Variants in SSPN observed in about 807,000 individuals in gnomAD.
SSPN encodes the protein K-ras oncogene-associated protein.
SSPN carries 15 observed loss-of-function variants against 19.1 expected under a neutral mutation model. The observed-to-expected ratio is 0.78, with a 90% CI of 0.52 to 1.21. SSPN has a LOEUF of 1.21. SSPN is among the 50% of genes most tolerant of loss of function. The pLI is 0.00. For synonymous variants in SSPN, 147 were observed against 140.3 expected, an observed-to-expected ratio of 1.05 and a Z score of -0.34; for missense variants, 291 against 314.0, an observed-to-expected ratio of 0.93 and a Z score of 0.55.
intron 1 of SSPN, among the ~76,000 whole-genome samples, chr12:26,158,748 A>G (rs1178660350): frequency 6.6e-6 from 1 of 152,248 alleles, no homozygotes; most frequent in Non-Finnish European, 1.5e-5. Context: ...TTTGTGTCTA[A>G]GAGTCTCTGG....
At chr12:26,187,992 AG>A (rs953747231) in intron 1 of SSPN, among the ~76,000 whole-genome samples, 1 of 152,218 alleles carries the variant, frequency 6.6e-6, no homozygotes, top group Non-Finnish European at 1.5e-5. Context: ...AAAAGACGAC[AG>A]GGCTAGGATA....
chr12:26,230,579 C>A, intron 2 of SSPN, 132 bp from the exon 3 acceptor site: 1 of 1,029,074 alleles, frequency 9.7e-7, no homozygotes, highest in Non-Finnish European at 1.4e-6. Flanking sequence ...TGTTGTGTTT[C>A]TAAGAAGAGA....
rs1453359026 is a variant in SSPN, at chr12:26,169,220, C to T, written c.-31+47068C>T. Among the ~76,000 whole-genome samples, 7 of 151,904 alleles carry T rather than the reference C, an allele frequency of 4.6e-5. No individual in the cohort carries two copies. In the East Asian group the frequency reaches 1.4e-3, roughly 29 times the overall value. On this transcript the variant is annotated intron_variant, in intron 1 of 2. Coordinates refer to the SSPN transcript ENST00000538142. ...TTTTTTTTTTGTTCTGTCTTTGCTT[C>T]ACTCTTTCAAAAGCAGTTGGAAGGC...
intron 1 of SSPN, among the ~76,000 whole-genome samples, chr12:26,158,163 A>G (rs1014807951): frequency 1.3e-5 from 2 of 152,154 alleles, no homozygotes; most frequent in African/African-American, 2.4e-5. Flanking sequence ...GCTAACTCCT[A>G]TGCATTGTTC....
In SSPN at chr12:26,175,114, A is replaced by C. The variant is rs185070838; in HGVS notation, c.-30-49179A>C. Among the ~76,000 whole-genome samples the C allele has an allele frequency of 2.2e-3, 334 of 152,318 alleles. 2 individuals carry two copies. Among genetic ancestry groups the C allele is most frequent in the East Asian group, 0.011 (55 of 5,190 alleles). ...GATAGACGTCTTTAACTTTTTAAGA[A>C]ATTACCAAACTCTTTTCCGAAGTGG... On this transcript the variant is annotated intron_variant, in intron 1 of 2. Coordinates refer to the SSPN transcript ENST00000538142.
intron 1 of SSPN, among the ~76,000 whole-genome samples, chr12:26,132,665 G>A (rs1565668291): frequency 1.3e-5 from 2 of 152,166 alleles, no homozygotes; most frequent in African/African-American, 4.8e-5. Context: ...TGGTGGGGAT[G>A]CCTGTTCAAC....
At chr12:26,148,893 A>G (rs932058525) in intron 1 of SSPN, among the ~76,000 whole-genome samples, 1 of 152,138 alleles carries the variant, frequency 6.6e-6, no homozygotes, top group Admixed American at 6.5e-5. Context: ...ACACTCTCAG[A>G]TGTGCTAGGT....
chr12:26,127,666 T>C (rs758406364), intron 1 of SSPN, among the ~76,000 whole-genome samples: 2 of 152,246 alleles, frequency 1.3e-5, no homozygotes, highest in Admixed American at 6.5e-5. Flanking sequence ...ATGTTCTCTG[T>C]CTACCTTTTC....
intron 2 of SSPN, among the ~76,000 whole-genome samples, chr12:26,226,041 T>G (rs1434563908): frequency 2.6e-5 from 4 of 151,870 alleles, no homozygotes; most frequent in Non-Finnish European, 4.4e-5. Context: ...GATTCCCCAC[T>G]AGGAAGATCT....
intron 1 of SSPN, among the ~76,000 whole-genome samples, chr12:26,145,266 A>C (rs1484349243): frequency 6.6e-6 from 1 of 152,212 alleles, no homozygotes; most frequent in Non-Finnish European, 1.5e-5. Flanking sequence ...CATCTTCACC[A>C]CTTTGTAACC....
chr12:26,231,477 T>C lies in SSPN; in HGVS notation c.*401T>C, dbSNP rs1945232115. 1 of 177,424 alleles carries C rather than the reference T, an allele frequency of 5.6e-6. No individual in the cohort carries two copies. Among genetic ancestry groups the C allele is most frequent in the Non-Finnish European group, 1.2e-5 (1 of 85,014 alleles). The allele number at this position is 177,424 out of a possible 1,614,324, so 11.0% of individuals were successfully genotyped here. A position where few individuals can be genotyped will look rare whatever the true frequency, so the allele number is the denominator to read the frequency against. On this transcript the variant is annotated 3_prime_UTR_variant, in exon 3 of 3. Coordinates refer to ENST00000242729, the MANE Select transcript of SSPN (RefSeq NM_005086.5). Reference sequence around the variant, plus strand: ...GGCCCAGTTGCTAAATTTTGTGGCATCTTCCTCTAGTCCTTCCCACCTCCA... The same window carrying C: ...GGCCCAGTTGCTAAATTTTGTGGCACCTTCCTCTAGTCCTTCCCACCTCCA...
At chr12:26,230,590 C>T (rs1945219289) in intron 2 of SSPN, 121 bp from the exon 3 acceptor site, 3 of 1,147,318 alleles carry the variant, frequency 2.6e-6, no homozygotes, top group Non-Finnish European at 3.6e-6. Flanking sequence ...TAAGAAGAGA[C>T]AGCCTTTCCA....
chr12:26,185,697 A>G (rs547297609), intron 1 of SSPN, among the ~76,000 whole-genome samples: 3 of 152,332 alleles, frequency 2.0e-5, no homozygotes, highest in Non-Finnish European at 4.4e-5. Context: ...ATAAATGACC[A>G]CAAGCCATGA....
intron 1 of SSPN, among the ~76,000 whole-genome samples, chr12:26,170,250 T>C (rs746240956): frequency 8.5e-5 from 13 of 152,222 alleles, no homozygotes; most frequent in Non-Finnish European, 1.3e-4. Context: ...GTGAATATTC[T>C]TTGTACTATA....
At chr12:26,124,760 T>C (rs773450566) in intron 1 of SSPN, 2 of 1,614,204 alleles carry the variant, frequency 1.2e-6, no homozygotes, top group Non-Finnish European at 1.7e-6. Context: ...CTCTTGCAAA[T>C]GAGGAATTCC....
rs1363136844 is a variant in SSPN at position 26,233,661 on chromosome 12, G to T, written c.*2585G>T. 1.3e-5 allele frequency: 2 copies of T among 152,182 alleles called. No individual in the cohort carries two copies. The highest frequency in any genetic ancestry group is 4.8e-5 in the African/African-American group (2 of 41,450). 9.4% of individuals were successfully genotyped at this position (152,182 alleles called of 1,614,324 possible). ...CAGATACACAGCTTTACACTTAGCA[G>T]AATGTTACATTTAAAATCTGACAAG... is the stretch of plus-strand genomic sequence containing the variant. On this transcript the variant is annotated 3_prime_UTR_variant, in exon 3 of 3. Coordinates refer to ENST00000242729, the MANE Select transcript of SSPN (RefSeq NM_005086.5). This position sits in a 1 kb window ranked among gnomAD's most constrained non-coding sequence, Gnocchi z 4.3.
chr12:26,201,385 A>T (rs1944883851), intron 1 of SSPN, among the ~76,000 whole-genome samples: 2 of 151,932 alleles, frequency 1.3e-5, no homozygotes, highest in African/African-American at 4.8e-5. Context: ...AACAGAAAAA[A>T]AAAAAAAGAA....
intron 1 of SSPN, among the ~76,000 whole-genome samples, chr12:26,203,592 C>T (rs1188911880): frequency 6.6e-6 from 1 of 152,166 alleles, no homozygotes; most frequent in Non-Finnish European, 1.5e-5. Flanking sequence ...CTGTCAGATG[C>T]CTGAGTGAAG....
chr12:26,170,323 A>C (rs1045259910), intron 1 of SSPN, among the ~76,000 whole-genome samples: 1 of 152,248 alleles, frequency 6.6e-6, no homozygotes, highest in African/African-American at 2.4e-5. Context: ...TTCTCAGTGT[A>C]ACTCTAGATC....
Sources: allele counts gnomAD v4.1 joint callset (sites outside exome capture counted in the v4.1 genomes callset), GRCh38; gene constraint gnomAD v4.1.1; non-coding constraint Gnocchi (gnomAD v3.1); transcripts MANE v1.5; gene names NCBI Gene and HGNC (gene_info 2026-07-23, HGNC 2026-07-21).